Variants in TOX observed in about 807,000 individuals in gnomAD.
TOX encodes the protein thymocyte selection-associated high mobility group box protein TOX.
Under a neutral mutation model 53.7 loss-of-function variants are expected in TOX, and 11 were observed. The ratio of observed to expected loss-of-function variants is 0.20; its 90% CI spans 0.13 to 0.34. The LOEUF is 0.34. TOX is among the 10% of genes least tolerant of loss of function. TOX has a pLI of 1.00. For missense variants in TOX, 570 were observed against 664.6 expected (o/e 0.86, Z 1.56); for synonymous variants, 225 against 245.3 (o/e 0.92, Z 0.77).
At chr8:59,098,582 A>T (rs919699221) in intron 1 of TOX, among the ~76,000 whole-genome samples, 1 of 152,178 alleles carries the variant, frequency 6.6e-6, no homozygotes, top group African/African-American at 2.4e-5. Context: ...GGGCCTTTCA[A>T]GTTGCCTGAA....
chr8:59,071,495 A>G (rs1804196954), intron 1 of TOX, among the ~76,000 whole-genome samples: 1 of 152,220 alleles, frequency 6.6e-6, no homozygotes, highest in Non-Finnish European at 1.5e-5. Context: ...GTCTTAATTA[A>G]ATGGAGTTGC....
chr8:58,814,294 G>C (rs1435618223), intron 7 of TOX: 1 of 152,102 alleles, frequency 6.6e-6, no homozygotes, highest in Non-Finnish European at 1.5e-5. Flanking sequence ...ATCTGTGTTT[G>C]CCTTATATCC....
intron 3 of TOX, among the ~76,000 whole-genome samples, chr8:58,888,583 A>G (rs1055521896): frequency 6.6e-6 from 1 of 152,092 alleles, no homozygotes; most frequent in African/African-American, 2.4e-5. Context: ...TAAAGTAAAA[A>G]TACAAAATTC....
intron 2 of TOX, among the ~76,000 whole-genome samples, chr8:58,942,300 T>C (rs1023888738): frequency 1.2e-4 from 19 of 152,166 alleles, no homozygotes; most frequent in Admixed American, 1.2e-3. Context: ...GTGATAACAA[T>C]TGTATTGCAA....
At chr8:59,015,449 C>A (rs1391454354) in intron 1 of TOX, among the ~76,000 whole-genome samples, 1 of 152,228 alleles carries the variant, frequency 6.6e-6, no homozygotes, top group Non-Finnish European at 1.5e-5. Context: ...GAATAGAAAT[C>A]ATTCTTTTGT....
intron 1 of TOX, among the ~76,000 whole-genome samples, chr8:59,090,885 T>C (rs797021102): frequency 2.6e-5 from 4 of 152,266 alleles, no homozygotes; most frequent in African/African-American, 7.2e-5. Context: ...CCTTACTTGC[T>C]TCCTGCCAGT....
intron 1 of TOX, among the ~76,000 whole-genome samples, chr8:59,102,916 G>A (rs1424183680): frequency 6.6e-6 from 1 of 152,040 alleles, no homozygotes; most frequent in African/African-American, 2.4e-5. Context: ...CATCATAGTT[G>A]TTCAATTTCT....
intron 3 of TOX, among the ~76,000 whole-genome samples, chr8:58,872,431 A>C (rs539360645): frequency 6.6e-6 from 1 of 152,178 alleles, no homozygotes; most frequent in African/African-American, 2.4e-5. Flanking sequence ...GAATATAATA[A>C]TTTTATTTCA....
intron 1 of TOX, among the ~76,000 whole-genome samples, chr8:58,989,435 G>A (rs1813400187): frequency 6.6e-6 from 1 of 152,186 alleles, no homozygotes; most frequent in Non-Finnish European, 1.5e-5. Context: ...ATGTTGAGAT[G>A]CAGAGTATCC....
intron 1 of TOX, among the ~76,000 whole-genome samples, chr8:59,006,390 G>A (rs868710349): frequency 9.2e-5 from 14 of 152,272 alleles, no homozygotes; most frequent in East Asian, 1.9e-4. Flanking sequence ...TTATTTTCTC[G>A]CTTGGAAAAG....
At chr8:58,989,163 A>G (rs1301190654) in intron 1 of TOX, among the ~76,000 whole-genome samples, 1 of 152,056 alleles carries the variant, frequency 6.6e-6, no homozygotes, top group Non-Finnish European at 1.5e-5. Context: ...TACAAACACA[A>G]AAATCAGCCG....
At position 58,815,525 on chromosome 8, in the gene TOX, T is replaced by C. The variant is rs1270319157; in HGVS notation, c.1205A>G (p.Asn402Ser). ...LPRNIAPKPN[N>S]QMPVTVSIAN... is the part of the protein sequence containing the mutation. Reference sequence around the variant, plus strand: ...TATAGAGACAGTCACTGGCATTTGGTTATTCGGCTTGGGGGCTATGTTCCT... The same window carrying C: ...TATAGAGACAGTCACTGGCATTTGGCTATTCGGCTTGGGGGCTATGTTCCT... The change falls in exon 7 of 9, where the codon AAC becomes AGC. Residue 402 changes from asparagine to serine, a missense_variant. Asn to Ser is a conservative substitution (Grantham distance 46, BLOSUM62 1). Coordinates refer to ENST00000361421, the MANE Select transcript of TOX (RefSeq NM_014729.3). 6.2e-7 allele frequency: 1 copy of C among 1,614,052 alleles called. No individual in the cohort carries two copies. Among genetic ancestry groups the C allele is most frequent in the Non-Finnish European group, 8.5e-7 (1 of 1,179,978 alleles).
intron 2 of TOX, among the ~76,000 whole-genome samples, chr8:58,949,600 A>C (rs74846454): frequency 3.5e-4 from 53 of 152,082 alleles, no homozygotes; most frequent in Non-Finnish European, 4.9e-4. Flanking sequence ...TGAGAATCCC[A>C]AAAAAAATTA....
At chr8:58,822,970 C>T (rs1451072471) in intron 6 of TOX, among the ~76,000 whole-genome samples, 5 of 152,126 alleles carry the variant, frequency 3.3e-5, no homozygotes, top group African/African-American at 4.8e-5. Context: ...AATAGGAACA[C>T]GTGTAAAATG....
chr8:59,073,740 C>A (rs1804242664), intron 1 of TOX, among the ~76,000 whole-genome samples: 1 of 151,958 alleles, frequency 6.6e-6, no homozygotes. Context: ...TTTGGAAGAC[C>A]TGACTTAAAT....
At chr8:58,991,936 G>A (rs1813458610) in intron 1 of TOX, 1 of 152,244 alleles carries the variant, frequency 6.6e-6, no homozygotes, top group South Asian at 2.1e-4. Context: ...CGCGTTATCA[G>A]CGTGCTCATC....
intron 1 of TOX, among the ~76,000 whole-genome samples, chr8:58,965,702 G>A (rs1374588415): frequency 6.6e-6 from 1 of 152,046 alleles, no homozygotes; most frequent in African/African-American, 2.4e-5. Flanking sequence ...ATTTCTGGGT[G>A]TTTTCTGAAA....
chr8:58,902,226 C>A (rs1176551865), intron 3 of TOX, among the ~76,000 whole-genome samples: 1 of 152,084 alleles, frequency 6.6e-6, no homozygotes, highest in Non-Finnish European at 1.5e-5. Flanking sequence ...AAGTTACAGC[C>A]TTTATCTGAC....
intron 2 of TOX, among the ~76,000 whole-genome samples, chr8:58,959,428 T>C (rs1812764124): frequency 6.6e-6 from 1 of 152,174 alleles, no homozygotes; most frequent in Non-Finnish European, 1.5e-5. Flanking sequence ...GTTTCAATCA[T>C]ATCATGTTTT....
Sources: allele counts gnomAD v4.1 joint callset (sites outside exome capture counted in the v4.1 genomes callset), GRCh38; gene constraint gnomAD v4.1.1; transcripts MANE v1.5; gene names NCBI Gene and HGNC (gene_info 2026-07-23, HGNC 2026-07-21).